BMPER: variants seen among roughly 807,000 people sequenced by gnomAD.
BMPER encodes BMP-binding endothelial regulator protein.
A neutral mutation model predicts 87.3 loss-of-function variants in BMPER; 45 were observed. The ratio of observed to expected loss-of-function variants is 0.52; its 90% CI spans 0.41 to 0.66. The LOEUF is 0.66. Ranked by LOEUF, BMPER falls within the 30% of genes least tolerant of loss-of-function variation. The probability of loss-of-function intolerance (pLI) is 0.00; values close to 1 mark genes in which losing one functional copy is unlikely to be tolerated. For synonymous variants in BMPER, 326 were observed against 316.2 expected (o/e 1.03, Z -0.33); for missense variants, 784 against 867.5 (o/e 0.90, Z 1.21).
At chr7:34,039,229 C>T (rs1340019986) in intron 6 of BMPER, among the ~76,000 whole-genome samples, 1 of 152,204 alleles carries the variant, frequency 6.6e-6, no homozygotes, top group African/African-American at 2.4e-5. Flanking sequence ...TTAAGTCTTA[C>T]TTACTGGAAG....
At chr7:33,922,798 G>A (rs567160696) in intron 2 of BMPER, among the ~76,000 whole-genome samples, 1 of 152,256 alleles carries the variant, frequency 6.6e-6, no homozygotes, top group South Asian at 2.1e-4. Flanking sequence ...AGTGTCAAGT[G>A]TTCAGGTGGG....
chr7:33,923,343 C>T (rs1036153920), intron 2 of BMPER, among the ~76,000 whole-genome samples: 1 of 152,214 alleles, frequency 6.6e-6, no homozygotes, highest in Admixed American at 6.5e-5. Flanking sequence ...CTGTAATACT[C>T]ACCCAGCCTT....
intron 6 of BMPER, among the ~76,000 whole-genome samples, chr7:33,988,736 C>T (rs1028963861): frequency 4.0e-5 from 6 of 150,668 alleles, no homozygotes; most frequent in Non-Finnish European, 8.9e-5. Context: ...TCTAGCATTA[C>T]GTATATCTCC....
At chr7:33,979,151 G>A (rs755861229) in intron 6 of BMPER, among the ~76,000 whole-genome samples, 4 of 151,920 alleles carry the variant, frequency 2.6e-5, no homozygotes, top group African/African-American at 9.7e-5. Context: ...ATATGTATGC[G>A]TATATGTGCA....
chr7:33,949,055 CAG>C (rs971311172), intron 3 of BMPER, among the ~76,000 whole-genome samples: 1 of 152,116 alleles, frequency 6.6e-6, no homozygotes, highest in African/African-American at 2.4e-5. Context: ...AGTATGTAGG[CAG>C]AGAGGCTTTT....
At chr7:33,905,807 TGGCGCTGGCTTGCCCCGGGGATGGGA>T in intron 1 of BMPER, 61 bp downstream of exon 1, 6 of 596,678 alleles carry the variant, frequency 1.0e-5, no homozygotes, top group Non-Finnish European at 1.4e-5. Context: ...CTGGGAAAGG[TGGCGCTGGCTTGCCCCGGGGATGGGA>T]GGGTGGGGAG....
chr7:33,943,464 T>A (rs1784813877), intron 3 of BMPER, among the ~76,000 whole-genome samples: 2 of 152,144 alleles, frequency 1.3e-5, no homozygotes, highest in African/African-American at 4.8e-5. Context: ...ACCTCCCTAT[T>A]GATAGCTGTT....
At position 34,007,933 on chromosome 7, in the gene BMPER, G is replaced by T. The variant is rs1786779598; in HGVS notation, c.576+33149G>T. On this transcript the variant is annotated intron_variant, in intron 6 of 14. Transcript: ENST00000649409. Reference sequence around the variant, plus strand: ...TTCACCTCCATTGAGAGTGTATCAGGGTGCCTGATGGACCATACCCTTGTC... The same window carrying T: ...TTCACCTCCATTGAGAGTGTATCAGTGTGCCTGATGGACCATACCCTTGTC... 2.0e-5 allele frequency among the ~76,000 whole-genome samples: 3 copies of T among 151,782 alleles called. No individual in the cohort carries two copies. The South Asian group carries it at 6.2e-4, about 31-fold the overall frequency.
chr7:33,912,962 A>T (rs2128602065), intron 2 of BMPER, among the ~76,000 whole-genome samples: 1 of 152,200 alleles, frequency 6.6e-6, no homozygotes, highest in East Asian at 1.9e-4. Context: ...CTGTGTTTGA[A>T]GCATTGTGCT....
chr7:34,140,829 A>G (rs1224848578), intron 13 of BMPER, among the ~76,000 whole-genome samples: 2 of 152,212 alleles, frequency 1.3e-5, no homozygotes. Context: ...ACATTCACTC[A>G]AATCCGGGGA....
intron 13 of BMPER, among the ~76,000 whole-genome samples, chr7:34,111,162 A>AC (rs1252393489): frequency 1.3e-5 from 2 of 152,268 alleles, no homozygotes; most frequent in East Asian, 3.9e-4. Context: ...GCTTTTTATT[A>AC]TTTTTTCGTA....
At chr7:33,991,445 G>A (rs1182928322) in intron 6 of BMPER, among the ~76,000 whole-genome samples, 2 of 152,066 alleles carry the variant, frequency 1.3e-5, no homozygotes, top group African/African-American at 4.8e-5. Flanking sequence ...TTGTATTTCT[G>A]TGGGATCGGT....
chr7:33,943,948 T>C lies in BMPER; in HGVS notation c.319+6560T>C, dbSNP rs1380728457. ...CCTAACTGAGTGCCATCAATTGCTGTTGTGTTTTCTACAATAAAGTGTAGA... is the reference window on the plus strand; with the variant it reads ...CCTAACTGAGTGCCATCAATTGCTGCTGTGTTTTCTACAATAAAGTGTAGA... On this transcript the variant is annotated intron_variant, in intron 3 of 14. Transcript: ENST00000649409. 3.3e-5 allele frequency among the ~76,000 whole-genome samples: 5 copies of C among 152,300 alleles called. No individual in the cohort carries two copies. In the East Asian group the frequency reaches 9.7e-4, roughly 29 times the overall value.
rs1790510648 is a variant in BMPER, at chr7:34,129,615, AGAGAGAG to A, written c.1746-13614_1746-13608del. ...GAGAGAGAGAGAGAGAGAGAAAGAG[AGAGAGAG>A]AGAAAGAGAGAAAGAAAGAAAGAAA... On this transcript the variant is annotated intron_variant, in intron 13 of 14. Transcript: ENST00000649409. 1.9e-3 allele frequency among the ~76,000 whole-genome samples: 185 copies of A among 95,624 alleles called. 1 individual carries two copies. The highest frequency in any genetic ancestry group is 4.8e-3 in the African/African-American group (113 of 23,366). 62.7% of individuals were successfully genotyped at this position (95,624 alleles called of 152,430 possible).
intron 13 of BMPER, among the ~76,000 whole-genome samples, chr7:34,120,011 G>A (rs553277131): frequency 1.3e-5 from 2 of 152,222 alleles, no homozygotes; most frequent in East Asian, 1.9e-4. Context: ...TTATAATCAT[G>A]TACATGCCCA....
chr7:33,932,787 G>C (rs1449185232), intron 2 of BMPER, among the ~76,000 whole-genome samples: 1 of 151,918 alleles, frequency 6.6e-6, no homozygotes, highest in East Asian at 1.9e-4. Flanking sequence ...AATAGGATTG[G>C]TTCTGGAAGA....
intron 12 of BMPER, among the ~76,000 whole-genome samples, chr7:34,081,980 C>A (rs780856514): frequency 2.0e-5 from 3 of 152,114 alleles, no homozygotes; most frequent in Non-Finnish European, 4.4e-5. Flanking sequence ...TAAACAAAAA[C>A]CACAAAAAAC....
chr7:34,041,293 A>C lies in BMPER; in HGVS notation c.577-5013A>C, dbSNP rs193192651. On this transcript the variant is annotated intron_variant, in intron 6 of 14. Transcript: ENST00000649409. ...CTTCTGGAGACTTACGTAAAATGATAAAAGTACCTAAGCACAGTACCTGGC... is the reference window on the plus strand; with the variant it reads ...CTTCTGGAGACTTACGTAAAATGATCAAAGTACCTAAGCACAGTACCTGGC... Among the ~76,000 whole-genome samples, 274 of 152,242 alleles carry C rather than the reference A, an allele frequency of 1.8e-3. 1 individual carries two copies. The highest frequency in any genetic ancestry group is 3.3e-3 in the Non-Finnish European group (223 of 68,008).
chr7:34,059,732 G>A (rs1410864069), intron 10 of BMPER, among the ~76,000 whole-genome samples: 1 of 144,852 alleles, frequency 6.9e-6, no homozygotes, highest in Non-Finnish European at 1.5e-5. Context: ...TACATTGCCT[G>A]GGGAAATTTT....
Sources: gnomAD v4.1 joint callset for allele counts (sites outside exome capture counted in the v4.1 genomes callset) on GRCh38, gnomAD v4.1.1 for gene constraint, MANE v1.5 for transcripts, NCBI Gene and HGNC (gene_info 2026-07-23, HGNC 2026-07-21) for gene names.